ZNF277: variants seen among roughly 807,000 people sequenced by gnomAD.
ZNF277 encodes the protein nuclear receptor-interacting factor 4.
Under a neutral mutation model 60.7 loss-of-function variants are expected in ZNF277, and 55 were observed. The observed-to-expected ratio is 0.91, with a 90% CI of 0.73 to 1.13. The LOEUF is 1.13. Among genes scored for constraint, ZNF277 ranks in the 50% most tolerant of loss-of-function variants. The probability of loss-of-function intolerance (pLI) is 0.00; values close to 1 mark genes in which losing one functional copy is unlikely to be tolerated. For missense variants in ZNF277, 510 were observed against 523.0 expected (o/e 0.98, Z 0.24); for synonymous variants, 178 against 179.3 (o/e 0.99, Z 0.06).
At chr7:112,306,644 G>A (rs1792602090) in intron 4 of ZNF277, among the ~76,000 whole-genome samples, 1 of 152,048 alleles carries the variant, frequency 6.6e-6, no homozygotes, top group South Asian at 2.1e-4. Context: ...CCAAGGGGTG[G>A]TACTGTAGGT....
chr7:112,267,822 C>T (rs1195488770), intron 1 of ZNF277, among the ~76,000 whole-genome samples: 1 of 152,158 alleles, frequency 6.6e-6, no homozygotes, highest in Non-Finnish European at 1.5e-5. Flanking sequence ...GCCCACTGAA[C>T]TTTCAAAATA....
intron 1 of ZNF277, among the ~76,000 whole-genome samples, chr7:112,208,710 TC>T (rs1821651330): frequency 8.1e-6 from 1 of 123,484 alleles, no homozygotes; most frequent in African/African-American, 2.9e-5. Flanking sequence ...AGACGGAGTC[TC>T]GCTTTGTCAA....
At chr7:112,264,274 A>G (rs1791498221) in intron 1 of ZNF277, among the ~76,000 whole-genome samples, 1 of 152,140 alleles carries the variant, frequency 6.6e-6, no homozygotes, top group Non-Finnish European at 1.5e-5. Context: ...TGCAACTCCT[A>G]AATGCTAATG....
At chr7:112,305,729 A>G (rs1470470824) in intron 4 of ZNF277, among the ~76,000 whole-genome samples, 3 of 152,130 alleles carry the variant, frequency 2.0e-5, no homozygotes, top group Admixed American at 2.0e-4. Flanking sequence ...GATGGAATAT[A>G]GGGACTAGAT....
chr7:112,296,033 A>G (rs1792318530), intron 3 of ZNF277, 76 bp downstream of exon 3: 2 of 1,202,452 alleles, frequency 1.7e-6, no homozygotes, highest in South Asian at 2.6e-5. Context: ...GTCTTATATT[A>G]GAATTACTTT....
chr7:112,223,634 C>T (rs917101994), intron 1 of ZNF277, among the ~76,000 whole-genome samples: 5 of 152,196 alleles, frequency 3.3e-5, no homozygotes, highest in African/African-American at 1.2e-4. Context: ...TTAGACTCCA[C>T]TGGGGTTTTA....
intron 8 of ZNF277, among the ~76,000 whole-genome samples, chr7:112,337,087 C>T (rs1185968213): frequency 6.6e-6 from 1 of 152,088 alleles, no homozygotes; most frequent in Non-Finnish European, 1.5e-5. Context: ...AATGGGTGTT[C>T]CTTGTCTCCA....
chr7:112,339,947 CT>C, intron 10 of ZNF277, 62 bp downstream of exon 10: 1 of 1,464,058 alleles, frequency 6.8e-7, no homozygotes, highest in Non-Finnish European at 9.5e-7. Flanking sequence ...ATCCTGTAAG[CT>C]ATGCCTATGT....
At chr7:112,235,479 A>G (rs939628594) in intron 1 of ZNF277, among the ~76,000 whole-genome samples, 1 of 152,126 alleles carries the variant, frequency 6.6e-6, no homozygotes, top group African/African-American at 2.4e-5. Context: ...GTATCTTATT[A>G]TAGTATTGAA....
chr7:112,299,036 A>C lies in ZNF277; in HGVS notation c.465+2725A>C, dbSNP rs529117373. 9.9e-4 allele frequency among the ~76,000 whole-genome samples: 151 copies of C among 152,250 alleles called. 2 individuals carry two copies. Among genetic ancestry groups the C allele is most frequent in the African/African-American group, 3.4e-3 (142 of 41,536 alleles). ...GCTTGGATTGAAGTTTAGGGAAAGC[A>C]GAGGCAGTTTACAATAGCCCGCCAC... On this transcript the variant is annotated intron_variant, in intron 4 of 11. Transcript: ENST00000361822.
chr7:112,253,713 TTCAAAAAG>T (rs1791245157), intron 1 of ZNF277, among the ~76,000 whole-genome samples: 1 of 152,152 alleles, frequency 6.6e-6, no homozygotes, highest in Admixed American at 6.5e-5. Context: ...TTCTCATCCT[TTCAAAAAG>T]ATGTTTTTGT....
At chr7:112,315,751 A>G (rs575578121) in intron 4 of ZNF277, among the ~76,000 whole-genome samples, 2 of 152,266 alleles carry the variant, frequency 1.3e-5, no homozygotes, top group South Asian at 4.1e-4. Context: ...TCTTTTTCTA[A>G]TTAAACTAGA....
At chr7:112,215,825 G>GT (rs953145521) in intron 1 of ZNF277, among the ~76,000 whole-genome samples, 4 of 151,964 alleles carry the variant, frequency 2.6e-5, no homozygotes, top group African/African-American at 9.7e-5. Flanking sequence ...AGAGAGGTTT[G>GT]TTTTTTTACT....
intron 1 of ZNF277, among the ~76,000 whole-genome samples, chr7:112,226,698 T>C (rs1037123031): frequency 2.0e-5 from 3 of 152,324 alleles, no homozygotes; most frequent in African/African-American, 7.2e-5. Flanking sequence ...TCAGCTTTCA[T>C]TGACTTCAAG....
At position 112,340,376 on chromosome 7, in the gene ZNF277, G is replaced by C. The variant is rs376278057; in HGVS notation, c.1009+491G>C. ...ATTCTAAGTATCACAACAATAGAAC[G>C]ATTTGGGGCATTAAGACATACGTAA... is the stretch of plus-strand genomic sequence containing the variant. On this transcript the variant is annotated intron_variant, in intron 10 of 11. Transcript: ENST00000361822. Among the ~76,000 whole-genome samples, 8 of 152,260 alleles carry C rather than the reference G, an allele frequency of 5.3e-5. 1 individual carries two copies. In the East Asian group the frequency reaches 1.5e-3, roughly 29 times the overall value.
rs1348211579 is a variant in ZNF277, at chr7:112,328,825, G to A, written c.668+998G>A. Among the ~76,000 whole-genome samples the A allele has an allele frequency of 2.6e-5, 4 of 152,122 alleles. 1 individual carries two copies. Among genetic ancestry groups the A allele is most frequent in the African/African-American group, 9.7e-5 (4 of 41,426 alleles). On this transcript the variant is annotated intron_variant, in intron 6 of 11. Transcript: ENST00000361822. ...GCACAGGTTGTAGTGAGCAGAGATT[G>A]CACCATTGCACTCCAGCCTGGGCAA...
rs143130707 is a variant in ZNF277, at chr7:112,326,013, TCTCGTAACTCAGA to T, written c.558-1700_558-1688del. On this transcript the variant is annotated intron_variant, in intron 5 of 11. Coordinates refer to ENST00000361822, the MANE Select transcript of ZNF277 (RefSeq NM_021994.3). ...CCAGGAGCCAACCACTGGCCTCTCATCTCGTAACTCAGACTCTAGATGCCAGATTCTTGAGCCC... is the reference window on the plus strand; with the variant it reads ...CCAGGAGCCAACCACTGGCCTCTCATCTCTAGATGCCAGATTCTTGAGCCC... Among the ~76,000 whole-genome samples the T allele has an allele frequency of 9.4e-3, 1,426 of 152,192 alleles. 16 individuals carry two copies. Among genetic ancestry groups the T allele is most frequent in the African/African-American group, 0.032 (1,335 of 41,510 alleles).
At chr7:112,256,426 T>TTG (rs1228952080) in intron 1 of ZNF277, among the ~76,000 whole-genome samples, 1 of 142,382 alleles carries the variant, frequency 7.0e-6, no homozygotes, top group Non-Finnish European at 1.5e-5. Context: ...TTGGAGTTTT[T>TTG]TTTTTTTTTT....
At chr7:112,335,914 G>C (rs1438281905) in intron 7 of ZNF277, among the ~76,000 whole-genome samples, 190 bp from the exon 8 acceptor site, 1 of 152,090 alleles carries the variant, frequency 6.6e-6, no homozygotes, top group Non-Finnish European at 1.5e-5. Flanking sequence ...CTGTCATTAA[G>C]TCAAAAAAAA....
Sources: allele counts gnomAD v4.1 joint callset (sites outside exome capture counted in the v4.1 genomes callset), GRCh38; gene constraint gnomAD v4.1.1; transcripts MANE v1.5; gene names NCBI Gene and HGNC (gene_info 2026-07-23, HGNC 2026-07-21).